The following CDK5RAP2 variants were observed in gnomAD, a reference collection of about 807,000 sequenced individuals.
CDK5RAP2 encodes the protein CDK5 regulatory subunit-associated protein 2.
In CDK5RAP2, 147 loss-of-function variants were observed where a neutral mutation model predicts 232.9. The observed-to-expected ratio is 0.63, with a 90% CI of 0.55 to 0.72. The LOEUF (loss-of-function observed/expected upper bound fraction) is 0.72. CDK5RAP2 is among the 30% of genes least tolerant of loss of function. The pLI, the probability that CDK5RAP2 is intolerant of heterozygous loss-of-function variation, is 0.00. For synonymous variants in CDK5RAP2, 833 were observed against 833.7 expected, an observed-to-expected ratio of 1.00 and a Z score of 0.01; for missense variants, 2,195 against 2,231.5, an observed-to-expected ratio of 0.98 and a Z score of 0.33.
intron 18 of CDK5RAP2, among the ~76,000 whole-genome samples, chr9:120,466,315 C>T (rs1477041432): frequency 1.3e-5 from 2 of 152,196 alleles, no homozygotes; most frequent in Non-Finnish European, 1.5e-5. Context: ...CTCACCCTAA[C>T]TCCATCTACT....
chr9:120,526,547 C>T (rs1226670799), intron 10 of CDK5RAP2, among the ~76,000 whole-genome samples: 1 of 152,158 alleles, frequency 6.6e-6, no homozygotes, highest in Non-Finnish European at 1.5e-5. Flanking sequence ...GTGCCCACTG[C>T]TCTAATTCAC....
chr9:120,440,524 C>A (rs2035839920), intron 23 of CDK5RAP2: 1 of 164,168 alleles, frequency 6.1e-6, no homozygotes, highest in East Asian at 1.7e-4. Flanking sequence ...TCTGCAAGCC[C>A]ACTGCCAAAC....
intron 12 of CDK5RAP2, among the ~76,000 whole-genome samples, chr9:120,503,634 T>C (rs761536653): frequency 7.2e-5 from 11 of 152,194 alleles, no homozygotes; most frequent in Non-Finnish European, 1.5e-4. Flanking sequence ...GATGGATAAC[T>C]TAAATCTTTC....
chr9:120,489,405 A>G (rs1027422417), intron 13 of CDK5RAP2, among the ~76,000 whole-genome samples: 2 of 151,848 alleles, frequency 1.3e-5, no homozygotes, highest in African/African-American at 4.8e-5. Flanking sequence ...ATTCTGGGGA[A>G]TTTTCTCCTA....
At chr9:120,501,094 C>T (rs956820990) in intron 12 of CDK5RAP2, among the ~76,000 whole-genome samples, 1 of 152,200 alleles carries the variant, frequency 6.6e-6, no homozygotes, top group Non-Finnish European at 1.5e-5. Flanking sequence ...TCACAACATA[C>T]GATGGCCCAC....
chr9:120,456,369 G>C (rs577273914), intron 20 of CDK5RAP2, among the ~76,000 whole-genome samples: 21 of 152,242 alleles, frequency 1.4e-4, no homozygotes, highest in African/African-American at 5.1e-4. Flanking sequence ...AACATACTCC[G>C]AACTTCCCTC....
rs2042718194 is a variant in CDK5RAP2 at position 120,568,250 on chromosome 9, T to G, written c.195+71A>C. 4 of 1,217,042 alleles carry G rather than the reference T, an allele frequency of 3.3e-6. No homozygotes were observed. In the African/African-American group the frequency reaches 4.4e-5, roughly 14 times the overall value. 75.4% of individuals were successfully genotyped at this position (1,217,042 alleles called of 1,614,324 possible). Reference sequence around the variant, plus strand: ...AACTTAGATCTCAAGAAACACAGCTTTCCTGGGTCTGGCTGGACAGTGGCA... The same window carrying G: ...AACTTAGATCTCAAGAAACACAGCTGTCCTGGGTCTGGCTGGACAGTGGCA... On this transcript the variant is annotated intron_variant, in intron 3 of 37. Transcript: ENST00000349780.
At chr9:120,502,139 A>G (rs971565900) in intron 12 of CDK5RAP2, among the ~76,000 whole-genome samples, 1 of 152,192 alleles carries the variant, frequency 6.6e-6, no homozygotes, top group African/African-American at 2.4e-5. Flanking sequence ...AGTCCACTTA[A>G]CGTATATCTA....
chr9:120,498,794 G>T (rs1030273502), intron 12 of CDK5RAP2, among the ~76,000 whole-genome samples: 1 of 151,960 alleles, frequency 6.6e-6, no homozygotes, highest in African/African-American at 2.4e-5. Context: ...CCCAAGGCAG[G>T]AGGATCACTT....
intron 25 of CDK5RAP2, among the ~76,000 whole-genome samples, chr9:120,424,112 C>T (rs536999301): frequency 5.9e-5 from 9 of 152,154 alleles, no homozygotes; most frequent in Admixed American, 2.0e-4. Flanking sequence ...CCTATGAGCA[C>T]GGTGTTAGTA....
intron 12 of CDK5RAP2, among the ~76,000 whole-genome samples, chr9:120,494,337 A>G (rs927300911): frequency 6.6e-6 from 1 of 152,214 alleles, no homozygotes; most frequent in Non-Finnish European, 1.5e-5. Context: ...TTCCAATAAA[A>G]GAAACCAGTG....
intron 3 of CDK5RAP2, 120 bp from the exon 4 acceptor site, chr9:120,551,022 T>A (rs202032740): frequency 2.8e-6 from 2 of 705,032 alleles, no homozygotes; most frequent in South Asian, 3.0e-5. Context: ...TGTTAAATAC[T>A]AGAGAAAGCT....
chr9:120,507,397 T>C (rs897653326), intron 12 of CDK5RAP2, among the ~76,000 whole-genome samples: 2 of 152,092 alleles, frequency 1.3e-5, no homozygotes, highest in African/African-American at 2.4e-5. Context: ...CAAAGCAACA[T>C]AGGTAAAAAA....
chr9:120,450,844 G>A (rs1396637395), intron 21 of CDK5RAP2, among the ~76,000 whole-genome samples: 1 of 152,210 alleles, frequency 6.6e-6, no homozygotes, highest in Non-Finnish European at 1.5e-5. Flanking sequence ...CCTCAGACTA[G>A]CTCTTCAGGG....
At chr9:120,502,071 T>A (rs964892797) in intron 12 of CDK5RAP2, among the ~76,000 whole-genome samples, 6 of 152,172 alleles carry the variant, frequency 3.9e-5, no homozygotes, top group African/African-American at 1.4e-4. Flanking sequence ...ATCTTCTCAG[T>A]TCGCCTCCAC....
intron 34 of CDK5RAP2, among the ~76,000 whole-genome samples, chr9:120,401,467 C>T (rs1274437070): frequency 1.4e-4 from 22 of 151,966 alleles, no homozygotes; most frequent in Admixed American, 1.4e-3. Flanking sequence ...AAAAAATTAG[C>T]TAGGTGTGGC....
At chr9:120,480,570 A>G (rs1009489436) in intron 14 of CDK5RAP2, among the ~76,000 whole-genome samples, 1 of 151,946 alleles carries the variant, frequency 6.6e-6, no homozygotes, top group Non-Finnish European at 1.5e-5. Flanking sequence ...CATCATTTCC[A>G]TAGCATAATT....
chr9:120,438,217 G>A (rs1389549794), intron 24 of CDK5RAP2, among the ~76,000 whole-genome samples: 1 of 152,190 alleles, frequency 6.6e-6, no homozygotes, highest in African/African-American at 2.4e-5. Flanking sequence ...GCCCATAAGA[G>A]AAAGACACTG....
chr9:120,565,653 C>T (rs1433144838), intron 3 of CDK5RAP2, among the ~76,000 whole-genome samples: 1 of 152,176 alleles, frequency 6.6e-6, no homozygotes, highest in Non-Finnish European at 1.5e-5. Flanking sequence ...CCTGTCATGC[C>T]TCTCTCTACA....
Sources: allele counts gnomAD v4.1 joint callset (sites outside exome capture counted in the v4.1 genomes callset), GRCh38; gene constraint gnomAD v4.1.1; transcripts MANE v1.5; gene names NCBI Gene and HGNC (gene_info 2026-07-23, HGNC 2026-07-21).